Variants in GRIA4 observed in about 807,000 individuals in gnomAD.
The protein encoded by GRIA4 is glutamate receptor 4.
Under a neutral mutation model 104.0 loss-of-function variants are expected in GRIA4, and 34 were observed. That is an observed-to-expected ratio of 0.33 (90% CI 0.25 to 0.44). The LOEUF (loss-of-function observed/expected upper bound fraction) is 0.44, where lower values mean the gene tolerates loss of function less well. Among genes scored for constraint, GRIA4 ranks in the 20% least tolerant of loss-of-function variants. GRIA4 has a pLI of 1.00. For missense variants in GRIA4, 750 were observed against 1,096.5 expected, an observed-to-expected ratio of 0.68 and a Z score of 4.46; for synonymous variants, 386 against 381.9, an observed-to-expected ratio of 1.01 and a Z score of -0.13.
chr11:105,798,375 C>T (rs1565244531), intron 4 of GRIA4, among the ~76,000 whole-genome samples: 1 of 151,900 alleles, frequency 6.6e-6, no homozygotes, highest in African/African-American at 2.4e-5. Flanking sequence ...ATGCTGATAC[C>T]CTGAGTGAGC....
chr11:105,937,770 A>AC (rs1948082614), intron 14 of GRIA4, among the ~76,000 whole-genome samples: 1 of 152,224 alleles, frequency 6.6e-6, no homozygotes, highest in Non-Finnish European at 1.5e-5. Flanking sequence ...ACTGAAAAAA[A>AC]ATAAAAATAA....
intron 11 of GRIA4, among the ~76,000 whole-genome samples, chr11:105,922,298 T>C (rs1006155916): frequency 2.1e-4 from 32 of 152,236 alleles, no homozygotes; most frequent in African/African-American, 7.5e-4. Context: ...AAACAGAACT[T>C]TTCTGAGGTT....
At chr11:105,875,093 T>C (rs963545214) in intron 5 of GRIA4, among the ~76,000 whole-genome samples, 1 of 152,348 alleles carries the variant, frequency 6.6e-6, no homozygotes, top group Non-Finnish European at 1.5e-5. Context: ...GTTCCATCAA[T>C]ACCTAGTTTA....
intron 5 of GRIA4, among the ~76,000 whole-genome samples, chr11:105,882,761 T>G (rs542561863): frequency 2.2e-4 from 34 of 152,280 alleles, no homozygotes; most frequent in South Asian, 8.3e-4. Context: ...TTATAATCCT[T>G]AAATCTCTTA....
chr11:105,894,823 C>T lies in GRIA4; in HGVS notation c.727-3446C>T, dbSNP rs1318352183. Among the ~76,000 whole-genome samples the T allele has an allele frequency of 2.1e-5, 2 of 97,414 alleles. 1 individual carries two copies. 63.9% of individuals were successfully genotyped at this position (97,414 alleles called of 152,430 possible). A position where few individuals can be genotyped will look rare whatever the true frequency, so the allele number is the denominator to read the frequency against. On this transcript the variant is annotated intron_variant, in intron 6 of 16. Transcript: ENST00000282499. ...TTTTTTTTTTTTTGAGACGGAGTCT[C>T]GCTCTGTCGCCCAGGCTGGACTGCG...
chr11:105,899,324 A>G (rs1264738066), intron 7 of GRIA4, among the ~76,000 whole-genome samples: 8 of 152,218 alleles, frequency 5.3e-5, no homozygotes, highest in African/African-American at 1.9e-4. Flanking sequence ...GATGTCCACT[A>G]TGTGTCAAGC....
chr11:105,835,713 G>A (rs186918150), intron 4 of GRIA4, among the ~76,000 whole-genome samples: 245 of 152,094 alleles, frequency 1.6e-3, no homozygotes, highest in Middle Eastern at 0.01. Flanking sequence ...TAATCAACAT[G>A]AAAAAGAGTG....
intron 9 of GRIA4, among the ~76,000 whole-genome samples, chr11:105,907,444 C>T (rs531946014): frequency 2.1e-4 from 32 of 152,298 alleles, no homozygotes; most frequent in African/African-American, 7.5e-4. Context: ...AGTGAGCAAT[C>T]ATTCTTGTAA....
chr11:105,622,997 G>T (rs1950789152), intron 3 of GRIA4, among the ~76,000 whole-genome samples: 1 of 149,634 alleles, frequency 6.7e-6, no homozygotes, highest in Non-Finnish European at 1.5e-5. Flanking sequence ...AGTTCCATCT[G>T]TGTTGCTGAA....
chr11:105,850,928 G>T (rs1368336685), intron 4 of GRIA4, among the ~76,000 whole-genome samples: 1 of 152,106 alleles, frequency 6.6e-6, no homozygotes, highest in African/African-American at 2.4e-5. Context: ...AGTTTGCATT[G>T]TATTATAGAC....
rs556714757 is a variant in GRIA4, at chr11:105,610,266, A to C, written c.-253A>C. The C allele has an allele frequency of 1.3e-5, 2 of 152,632 alleles. No homozygotes were observed. The highest frequency in any genetic ancestry group is 4.1e-4 in the South Asian group (2 of 4,834). 9.5% of individuals were successfully genotyped at this position (152,632 alleles called of 1,614,324 possible). A position where few individuals can be genotyped will look rare whatever the true frequency, so the allele number is the denominator to read the frequency against. ...TTTCTGCCTAGCGCAGCCGAGAAGC[A>C]GAGGTGCCAGGAAAACCAAGAGAGG... On this transcript the variant is annotated 5_prime_UTR_variant, in exon 1 of 17. Coordinates refer to ENST00000282499, the MANE Select transcript of GRIA4 (RefSeq NM_000829.4).
intron 3 of GRIA4, among the ~76,000 whole-genome samples, chr11:105,664,742 G>A (rs903386980): frequency 6.6e-6 from 1 of 151,910 alleles, no homozygotes; most frequent in Non-Finnish European, 1.5e-5. Context: ...TGGACCAATG[G>A]TTAAATCAGA....
At chr11:105,619,549 G>T (rs1356160479) in intron 3 of GRIA4, among the ~76,000 whole-genome samples, 1 of 151,796 alleles carries the variant, frequency 6.6e-6, no homozygotes, top group Admixed American at 6.6e-5. Flanking sequence ...GAAGTCTAAA[G>T]CCATATTTGT....
intron 3 of GRIA4, among the ~76,000 whole-genome samples, chr11:105,680,210 G>T (rs940989008): frequency 6.6e-6 from 1 of 152,052 alleles, no homozygotes; most frequent in Non-Finnish European, 1.5e-5. Context: ...GCAGAGTCTC[G>T]TAAGGACACA....
At chr11:105,770,820 A>AT (rs1467437488) in intron 4 of GRIA4, among the ~76,000 whole-genome samples, 1 of 152,036 alleles carries the variant, frequency 6.6e-6, no homozygotes, top group Non-Finnish European at 1.5e-5. Context: ...TACTAAGACC[A>AT]TTTAACATAA....
intron 4 of GRIA4, among the ~76,000 whole-genome samples, chr11:105,771,433 C>A (rs961344910): frequency 6.6e-6 from 1 of 152,048 alleles, no homozygotes; most frequent in African/African-American, 2.4e-5. Flanking sequence ...GGGGACAATG[C>A]TATTTTTGCC....
chr11:105,868,211 A>G (rs1202110363), intron 5 of GRIA4, among the ~76,000 whole-genome samples: 1 of 152,192 alleles, frequency 6.6e-6, no homozygotes, highest in East Asian at 1.9e-4. Flanking sequence ...CTTTCCAGCC[A>G]GAGAAAAGGG....
At chr11:105,643,780 A>T (rs372389789) in intron 3 of GRIA4, among the ~76,000 whole-genome samples, 1 of 152,128 alleles carries the variant, frequency 6.6e-6, no homozygotes, top group African/African-American at 2.4e-5. Flanking sequence ...GTGCAGTGAC[A>T]TCATCTCTGC....
intron 3 of GRIA4, among the ~76,000 whole-genome samples, chr11:105,687,954 T>A (rs1358033917): frequency 6.6e-6 from 1 of 152,186 alleles, no homozygotes; most frequent in Admixed American, 6.5e-5. Context: ...ATAGATGACT[T>A]TGTTTTTAAA....
Sources: allele counts gnomAD v4.1 joint callset (sites outside exome capture counted in the v4.1 genomes callset), GRCh38; gene constraint gnomAD v4.1.1; transcripts MANE v1.5; gene names NCBI Gene and HGNC (gene_info 2026-07-23, HGNC 2026-07-21).